Variants in DTNB observed in about 807,000 individuals in gnomAD.
DTNB encodes DTN-B.
A neutral mutation model predicts 90.7 loss-of-function variants in DTNB; 63 were observed. The ratio of observed to expected loss-of-function variants is 0.69; its 90% CI spans 0.57 to 0.86. DTNB has a LOEUF of 0.86. Ranked by LOEUF, DTNB falls within the 40% of genes least tolerant of loss-of-function variation. DTNB has a pLI of 0.00. For missense variants in DTNB, 744 were observed against 807.1 expected (o/e 0.92, Z 0.95); for synonymous variants, 277 against 286.7 (o/e 0.97, Z 0.34).
rs1301541059 is a variant in DTNB, at chr2:25,464,253, G to C, written c.1080-8759C>G. Among the ~76,000 whole-genome samples, 4 of 152,216 alleles carry C rather than the reference G, an allele frequency of 2.6e-5. No homozygotes were observed. In the East Asian group the frequency reaches 7.7e-4, roughly 29 times the overall value. ...TACCATTCTCTAATAAAGGAGCCAG[G>C]GCTCCCTAGGAAAATGCAATTCTAG... is the stretch of plus-strand genomic sequence containing the variant. On this transcript the variant is annotated intron_variant, in intron 10 of 20. Coordinates refer to ENST00000406818, the MANE Select transcript of DTNB (RefSeq NM_021907.5).
At chr2:25,413,304 T>C (rs769339517) in intron 16 of DTNB, among the ~76,000 whole-genome samples, 7 of 152,162 alleles carry the variant, frequency 4.6e-5, no homozygotes, top group South Asian at 2.1e-4. Flanking sequence ...CTAGGGTACA[T>C]GTGCACAACG....
intron 3 of DTNB, among the ~76,000 whole-genome samples, chr2:25,629,815 G>A (rs1456270928): frequency 6.6e-6 from 1 of 152,112 alleles, no homozygotes; most frequent in African/African-American, 2.4e-5. Context: ...CTTAATCAGG[G>A]AAGACTGAAA....
Position 25,406,026 on chromosome 2 carries a change from G to T in DTNB, c.1575+13489C>A, listed in dbSNP as rs142773912. Among the ~76,000 whole-genome samples the T allele has an allele frequency of 4.8e-3, 730 of 152,310 alleles. 7 individuals are homozygous for T. Among genetic ancestry groups the T allele is most frequent in the African/African-American group, 0.016 (675 of 41,558 alleles). ...AAATGGACTTGAAGTTGGCAACTGAGAGGGAAGAGCAGGAGGCTGGCGATG... is the reference window on the plus strand; with the variant it reads ...AAATGGACTTGAAGTTGGCAACTGATAGGGAAGAGCAGGAGGCTGGCGATG... On this transcript the variant is annotated intron_variant, in intron 16 of 20. Coordinates refer to ENST00000406818, the MANE Select transcript of DTNB (RefSeq NM_021907.5).
chr2:25,644,990 C>CA (rs2079117663), intron 2 of DTNB, among the ~76,000 whole-genome samples: 1 of 152,116 alleles, frequency 6.6e-6, no homozygotes, highest in African/African-American at 2.4e-5. Context: ...AAGCATCCCA[C>CA]AAAGGGAAAT....
At chr2:25,450,846 C>G (rs2059172795) in intron 12 of DTNB, among the ~76,000 whole-genome samples, 1 of 152,112 alleles carries the variant, frequency 6.6e-6, no homozygotes, top group East Asian at 1.9e-4. Context: ...CTCTGTTGCC[C>G]AGGCTGGAGT....
chr2:25,498,113 T>C (rs2069435145), intron 9 of DTNB, among the ~76,000 whole-genome samples: 1 of 152,084 alleles, frequency 6.6e-6, no homozygotes, highest in African/African-American at 2.4e-5. Context: ...CTTCCTACAC[T>C]GTTCAAACAC....
rs547805974 is a variant in DTNB at position 25,579,138 on chromosome 2, G to A, written c.709+1583C>T. On this transcript the variant is annotated intron_variant, in intron 7 of 20. Transcript: ENST00000406818. The stretch of plus-strand genomic sequence containing the variant: ...TGACAAGTGAGGCTCTTTCTACTTG[G>A]TATAGCAAATACAAAATGATCTTAT... Among the ~76,000 whole-genome samples, 4 of 152,170 alleles carry A rather than the reference G, an allele frequency of 2.6e-5. No individual in the cohort carries two copies. In the South Asian group the frequency reaches 6.2e-4, roughly 24 times the overall value.
intron 9 of DTNB, among the ~76,000 whole-genome samples, chr2:25,516,564 T>C (rs757147698): frequency 7.9e-5 from 12 of 151,212 alleles, no homozygotes; most frequent in Non-Finnish European, 1.3e-4. Flanking sequence ...CCCATCACTT[T>C]AGAAAACAGT....
At chr2:25,620,365 T>G (rs961133257) in intron 4 of DTNB, among the ~76,000 whole-genome samples, 4 of 152,152 alleles carry the variant, frequency 2.6e-5, no homozygotes, top group Non-Finnish European at 1.5e-5. Context: ...TTGATCAGAT[T>G]AATTTCGAAG....
intron 1 of DTNB, among the ~76,000 whole-genome samples, chr2:25,663,048 G>A (rs1230040877): frequency 1.3e-5 from 2 of 152,068 alleles, no homozygotes; most frequent in Admixed American, 6.6e-5. Context: ...TTGTCCTAAT[G>A]CTCTCCCTCC....
intron 9 of DTNB, among the ~76,000 whole-genome samples, chr2:25,508,462 C>G (rs1008131132): frequency 6.6e-6 from 1 of 150,610 alleles, no homozygotes; most frequent in Non-Finnish European, 1.5e-5. Context: ...TATGGTATAC[C>G]TCTTCATTTA....
intron 9 of DTNB, among the ~76,000 whole-genome samples, chr2:25,490,287 G>A (rs938561106): frequency 6.8e-6 from 1 of 148,004 alleles, no homozygotes; most frequent in African/African-American, 2.5e-5. Context: ...GTGGCGGGCA[G>A]GGGGAATTAT....
chr2:25,605,659 T>G (rs570008861), intron 5 of DTNB, among the ~76,000 whole-genome samples: 18 of 152,342 alleles, frequency 1.2e-4, no homozygotes, highest in Non-Finnish European at 2.5e-4. Flanking sequence ...GTTAATTTTC[T>G]GCTAATGTAT....
intron 8 of DTNB, among the ~76,000 whole-genome samples, chr2:25,574,324 G>A (rs1345929155): frequency 6.6e-6 from 1 of 152,044 alleles, no homozygotes; most frequent in East Asian, 1.9e-4. Flanking sequence ...TTGAATGAAA[G>A]AATGAACAGA....
chr2:25,406,026 G>A (rs142773912), intron 16 of DTNB, among the ~76,000 whole-genome samples: 2 of 152,194 alleles, frequency 1.3e-5, no homozygotes, highest in Admixed American at 6.5e-5. Flanking sequence ...TGGCAACTGA[G>A]AGGGAAGAGC....
At chr2:25,550,527 A>G (rs949899839) in intron 8 of DTNB, among the ~76,000 whole-genome samples, 1 of 152,182 alleles carries the variant, frequency 6.6e-6, no homozygotes, top group Non-Finnish European at 1.5e-5. Flanking sequence ...AGTGTTTCCT[A>G]AGAATTTCTC....
rs762841562 is a variant in DTNB at position 25,388,208 on chromosome 2, C to T, written c.1729G>A (p.Ala577Thr). ...GVGGDVQEAFAQGTRRNLRND... is the reference protein window; with the variant it reads ...GVGGDVQEAFTQGTRRNLRND... ...CTCTGCTCCAGAAACTCACCTTGTG[C>T]GAAGGCCTCCTGCACGTCTCCCCCG... Residue 577 changes from alanine to threonine, a missense_variant, in exon 17 of 21, where the codon GCA (alanine) becomes ACA (threonine). Transcript: ENST00000406818. 8.9e-6 allele frequency: 14 copies of T among 1,568,790 alleles called. No individual in the cohort carries two copies. Among genetic ancestry groups the T allele is most frequent in the African/African-American group, 1.4e-5 (1 of 73,896 alleles).
chr2:25,590,330 A>C (rs990673838), intron 6 of DTNB, among the ~76,000 whole-genome samples: 29 of 152,320 alleles, frequency 1.9e-4, no homozygotes, highest in African/African-American at 7.0e-4. Context: ...TCCCGTACCC[A>C]GGAAGACTGA....
chr2:25,626,516 C>G (rs1259708284), intron 4 of DTNB, among the ~76,000 whole-genome samples: 1 of 152,146 alleles, frequency 6.6e-6, no homozygotes, highest in Non-Finnish European at 1.5e-5. Context: ...GTAATGCCAG[C>G]TACTAGAGAG....
Sources: gnomAD v4.1 joint callset for allele counts (sites outside exome capture counted in the v4.1 genomes callset) on GRCh38, gnomAD v4.1.1 for gene constraint, MANE v1.5 for transcripts, NCBI Gene and HGNC (gene_info 2026-07-23, HGNC 2026-07-21) for gene names.